The following OXSR1 variants were observed in gnomAD, a reference collection of about 807,000 sequenced individuals.
OXSR1 encodes the protein serine/threonine-protein kinase OSR1.
OXSR1 carries 24 observed loss-of-function variants against 79.8 expected under a neutral mutation model. That is an observed-to-expected ratio of 0.30 (90% CI 0.22 to 0.42). The LOEUF is 0.42. Among genes scored for constraint, OXSR1 ranks in the 10% least tolerant of loss-of-function variants. OXSR1 has a pLI of 1.00. For synonymous variants in OXSR1, 226 were observed against 209.2 expected, an observed-to-expected ratio of 1.08 and a Z score of -0.69; for missense variants, 430 against 618.4, an observed-to-expected ratio of 0.70 and a Z score of 3.23.
intron 2 of OXSR1, among the ~76,000 whole-genome samples, chr3:38,187,600 A>G (rs1701907746): frequency 6.6e-6 from 1 of 152,164 alleles, no homozygotes; most frequent in Non-Finnish European, 1.5e-5. Context: ...GAAGGAATAA[A>G]AAGTTACCAT....
At chr3:38,206,025 A>G (rs573749642) in intron 4 of OXSR1, among the ~76,000 whole-genome samples, 1 of 152,374 alleles carries the variant, frequency 6.6e-6, no homozygotes, top group South Asian at 2.1e-4. Flanking sequence ...ATCGTAAGAA[A>G]TAAATACATT....
chr3:38,218,288 A>G (rs778180453), intron 5 of OXSR1, among the ~76,000 whole-genome samples: 26 of 151,808 alleles, frequency 1.7e-4, no homozygotes, highest in Admixed American at 4.6e-4. Context: ...CAAGAATCCA[A>G]TTTCTCCACA....
Position 38,252,986 on chromosome 3 carries a change from GCAA to G in OXSR1, c.*99_*101del. The G allele has an allele frequency of 1.1e-6, 1 of 909,432 alleles. No homozygotes were observed. Among genetic ancestry groups the G allele is most frequent in the East Asian group, 2.5e-5 (1 of 40,664 alleles). The allele number at this position is 909,432 out of a possible 1,614,324, so 56.3% of individuals were successfully genotyped here. On this transcript the variant is annotated 3_prime_UTR_variant, in exon 18 of 18. Transcript: ENST00000311806. Reference sequence around the variant, plus strand: ...AAACCCACTACTGCCAAAGAACCCAGCAACAAACCTCCCGGCTAGGAGCTTTAG... The same window carrying G: ...AAACCCACTACTGCCAAAGAACCCAGCAAACCTCCCGGCTAGGAGCTTTAG...
At chr3:38,237,381 G>A (rs866948742) in intron 11 of OXSR1, among the ~76,000 whole-genome samples, 1 of 152,122 alleles carries the variant, frequency 6.6e-6, no homozygotes, top group African/African-American at 2.4e-5. Context: ...TCGTGCACAC[G>A]TGTGTGTGTT....
At chr3:38,239,719 T>G (rs981412532) in intron 11 of OXSR1, among the ~76,000 whole-genome samples, 6 of 152,216 alleles carry the variant, frequency 3.9e-5, no homozygotes. Flanking sequence ...TCTGCAGCTA[T>G]CTAGGGTTCA....
At chr3:38,231,649 T>C (rs945909350) in intron 10 of OXSR1, among the ~76,000 whole-genome samples, 2 of 152,208 alleles carry the variant, frequency 1.3e-5, no homozygotes, top group Non-Finnish European at 2.9e-5. Flanking sequence ...CATTGCTGTA[T>C]CTTCAGTGTG....
chr3:38,224,940 C>A, intron 8 of OXSR1: 1 of 246,280 alleles, frequency 4.1e-6, no homozygotes, highest in East Asian at 8.6e-5. Flanking sequence ...CAAAGTTGTA[C>A]ATTGTGAATT....
Position 38,241,524 on chromosome 3 carries a change from C to G in OXSR1, c.1075-1219C>G, listed in dbSNP as rs537804913. Among the ~76,000 whole-genome samples, 3 of 152,036 alleles carry G rather than the reference C, an allele frequency of 2.0e-5. No individual in the cohort carries two copies. The South Asian group carries it at 6.2e-4, about 32-fold the overall frequency. On this transcript the variant is annotated intron_variant, in intron 11 of 17. Transcript: ENST00000311806. Reference sequence around the variant, plus strand: ...AAGTTATATAAGAAAATATCTCATTCTTAGGAAATGTACACTCTGATTATT... The same window carrying G: ...AAGTTATATAAGAAAATATCTCATTGTTAGGAAATGTACACTCTGATTATT...
chr3:38,203,860 G>T (rs1277309801), intron 4 of OXSR1, among the ~76,000 whole-genome samples: 1 of 152,094 alleles, frequency 6.6e-6, no homozygotes, highest in East Asian at 1.9e-4. Context: ...GTTGTTCAAG[G>T]TCCTAGGGCT....
intron 10 of OXSR1, among the ~76,000 whole-genome samples, chr3:38,232,622 T>C (rs1451634554): frequency 2.0e-5 from 3 of 151,656 alleles, no homozygotes; most frequent in East Asian, 2.0e-4. Flanking sequence ...TAGCCAGGCA[T>C]GGTGGTGCGT....
chr3:38,189,870 G>C (rs1281769120), intron 2 of OXSR1, among the ~76,000 whole-genome samples: 2 of 152,170 alleles, frequency 1.3e-5, no homozygotes, highest in Admixed American at 1.3e-4. Flanking sequence ...GGAGCTCTCA[G>C]CCTAGAAGGG....
At chr3:38,230,630 G>T (rs1224933094) in intron 10 of OXSR1, 200 bp downstream of exon 10, 2 of 488,024 alleles carry the variant, frequency 4.1e-6, no homozygotes, top group East Asian at 7.3e-5. Flanking sequence ...CTATCTTTTA[G>T]GATGAAAAGG....
chr3:38,236,811 A>G (rs368539699), intron 10 of OXSR1, 28 bp from the exon 11 acceptor site: 4 of 1,578,214 alleles, frequency 2.5e-6, no homozygotes, highest in African/African-American at 2.7e-5. Context: ...AAATACCACC[A>G]TAACCCACTT....
chr3:38,216,234 T>C, intron 5 of OXSR1, 83 bp downstream of exon 5: 1 of 867,252 alleles, frequency 1.2e-6, no homozygotes, highest in Non-Finnish European at 1.8e-6. Flanking sequence ...TAATCAGCAT[T>C]CTCTCCTGTT....
intron 3 of OXSR1, among the ~76,000 whole-genome samples, chr3:38,196,571 A>T (rs1702076295): frequency 6.6e-6 from 1 of 152,220 alleles, no homozygotes; most frequent in Non-Finnish European, 1.5e-5. Flanking sequence ...TTTGTTCAAA[A>T]TGTCTGTTCT....
Position 38,251,490 on chromosome 3 carries a change from G to A in OXSR1, c.1444+19G>A. 1 of 1,588,336 alleles carries A rather than the reference G, an allele frequency of 6.3e-7. No homozygotes were observed. Among genetic ancestry groups the A allele is most frequent in the South Asian group, 1.1e-5 (1 of 90,556 alleles). On this transcript the variant is annotated intron_variant, in intron 16 of 17. Transcript: ENST00000311806. Reference sequence around the variant, plus strand: ...GTAATAGGTAACTCCATTGCGTTCTGCTCATGTGCTCCTGTGTCTCTGTCT... The same window carrying A: ...GTAATAGGTAACTCCATTGCGTTCTACTCATGTGCTCCTGTGTCTCTGTCT...
intron 5 of OXSR1, among the ~76,000 whole-genome samples, chr3:38,218,722 A>G (rs970745344): frequency 6.6e-6 from 1 of 152,192 alleles, no homozygotes; most frequent in African/African-American, 2.4e-5. Context: ...TTGGTATTAT[A>G]TCTCAGAAAT....
intron 12 of OXSR1, among the ~76,000 whole-genome samples, chr3:38,244,784 C>T (rs912885271): frequency 3.3e-5 from 5 of 151,872 alleles, no homozygotes; most frequent in Admixed American, 6.6e-5. Flanking sequence ...TCTTTGAGAC[C>T]CTGCTTTCAA....
rs1330590467 is a variant in OXSR1, at chr3:38,169,294, TG to T, written c.70+3349del. ...TGTCCACTTGGACTGCCCATTGGGT[TG>T]TTTTTTTTTTTGTTTGTTTGTTTGT... On this transcript the variant is annotated intron_variant, in intron 1 of 17. Coordinates refer to ENST00000311806, the MANE Select transcript of OXSR1 (RefSeq NM_005109.3). Among the ~76,000 whole-genome samples the T allele has an allele frequency of 8.5e-5, 13 of 152,060 alleles. No homozygotes were observed. The East Asian group carries it at 1.4e-3, about 16-fold the overall frequency.
Sources: gnomAD v4.1 joint callset for allele counts (sites outside exome capture counted in the v4.1 genomes callset) on GRCh38, gnomAD v4.1.1 for gene constraint, MANE v1.5 for transcripts, NCBI Gene and HGNC (gene_info 2026-07-23, HGNC 2026-07-21) for gene names.